The following TRAPPC3L variants were observed in gnomAD, a reference collection of about 807,000 sequenced individuals.
TRAPPC3L encodes trafficking protein particle complex subunit 3L.
TRAPPC3L carries 23 observed loss-of-function variants against 23.7 expected under a neutral mutation model. The observed-to-expected ratio is 0.97, with a 90% CI of 0.70 to 1.37. The LOEUF (loss-of-function observed/expected upper bound fraction) is 1.37, where lower values mean the gene tolerates loss of function less well. TRAPPC3L is among the 40% of genes most tolerant of loss of function. The probability of loss-of-function intolerance (pLI) is 0.00; values close to 1 mark genes in which losing one functional copy is unlikely to be tolerated. For synonymous variants in TRAPPC3L, 81 were observed against 77.9 expected (o/e 1.04, Z -0.21); for missense variants, 212 against 216.8 (o/e 0.98, Z 0.14).
At chr6:116,524,872 G>A (rs1772416697) in intron 3 of TRAPPC3L, 1 of 151,956 alleles carries the variant, frequency 6.6e-6, no homozygotes, top group African/African-American at 2.4e-5. Flanking sequence ...TATTCCTATT[G>A]GAATTTCATT....
chr6:116,540,454 C>T lies in TRAPPC3L; in HGVS notation c.149G>A (p.Gly50Asp), dbSNP rs1384262858. Reference protein sequence around the residue: ...VNQYLDKMGYGIGTRLVEDFL... With the variant: ...VNQYLDKMGYDIGTRLVEDFL... Reference sequence around the variant, plus strand: ...GTCTTCCACAAGCCGCGTTCCAATGCCGTAACCCCTGTGGATGACGGAAAG... The same window carrying T: ...GTCTTCCACAAGCCGCGTTCCAATGTCGTAACCCCTGTGGATGACGGAAAG... The change falls in exon 3 of 5, where the codon GGC becomes GAC. Residue 50 changes from glycine (G) to aspartate (D), a missense_variant. Coordinates refer to ENST00000368602, the MANE Select transcript of TRAPPC3L (RefSeq NM_001139444.3). 1 of 1,551,182 alleles carries T rather than the reference C, an allele frequency of 6.4e-7. No homozygotes were observed. The highest frequency in any genetic ancestry group is 1.4e-5 in the African/African-American group (1 of 73,000).
Position 116,496,715 on chromosome 6 carries a change from C to T in TRAPPC3L, c.*239G>A, listed in dbSNP as rs371022711. On this transcript the variant is annotated 3_prime_UTR_variant, in exon 5 of 5. Coordinates refer to ENST00000368602, the MANE Select transcript of TRAPPC3L (RefSeq NM_001139444.3). Reference sequence around the variant, plus strand: ...GTGTAAGATGTGGAATTCCTGCCTGCTATCTTGTAAGGAGCTATTTGCATA... The same window carrying T: ...GTGTAAGATGTGGAATTCCTGCCTGTTATCTTGTAAGGAGCTATTTGCATA... 1.9e-5 allele frequency: 8 copies of T among 412,362 alleles called. No homozygotes were observed. The highest frequency in any genetic ancestry group is 1.3e-4 in the African/African-American group (6 of 47,142). 25.5% of individuals were successfully genotyped at this position (412,362 alleles called of 1,614,324 possible).
Position 116,500,512 on chromosome 6 carries a change from A to T in TRAPPC3L, c.395T>A (p.Leu132His). ...CAAGGCACCTCTGATAATCCCACAG[A>T]GCAAGTTGCAGTAGCACAGAGAAGA... ...GRSSLCYCNLLCGIIRGALEM... is the reference protein window; with the variant it reads ...GRSSLCYCNLHCGIIRGALEM... Residue 132 changes from leucine (L) to histidine (H), a missense_variant, in exon 4 of 5, where the codon CTC (leucine) becomes CAC (histidine). Physicochemically the swap from Leu to His is moderately conservative, Grantham distance 99 (BLOSUM62 -3). Transcript: ENST00000368602. 1 of 1,551,508 alleles carries T rather than the reference A, an allele frequency of 6.4e-7. No homozygotes were observed. The highest frequency in any genetic ancestry group is 8.7e-7 in the Non-Finnish European group (1 of 1,146,890).
intron 4 of TRAPPC3L, among the ~76,000 whole-genome samples, chr6:116,499,928 C>A (rs1232684929): frequency 1.3e-5 from 2 of 152,214 alleles, no homozygotes; most frequent in Non-Finnish European, 2.9e-5. Context: ...ATACTAATAA[C>A]TGTTTCAGTT....
intron 3 of TRAPPC3L, among the ~76,000 whole-genome samples, chr6:116,537,277 A>G (rs1418494571): frequency 1.3e-5 from 2 of 152,324 alleles, no homozygotes; most frequent in African/African-American, 4.8e-5. Flanking sequence ...ATGGTTGATA[A>G]GACATGAAAA....
chr6:116,542,332 AT>A (rs66953108), intron 2 of TRAPPC3L, among the ~76,000 whole-genome samples: 2,002 of 152,186 alleles, frequency 0.013, 46 homozygotes, highest in African/African-American at 0.045. Flanking sequence ...ATAAATTATA[AT>A]TTTTTTAAAA....
In TRAPPC3L at chr6:116,504,875, A is replaced by C. The variant is rs1362886271; in HGVS notation, c.241-4209T>G. On this transcript the variant is annotated intron_variant, in intron 3 of 4. Transcript: ENST00000368602. ...TATTGATGGAATGTATCTCAAAATA[A>C]TAAGAGCTATTTAGGACAAACCCAC... Among the ~76,000 whole-genome samples the C allele has an allele frequency of 8.5e-5, 13 of 152,328 alleles. No individual in the cohort carries two copies. The East Asian group carries it at 2.5e-3, about 29-fold the overall frequency.
chr6:116,527,310 G>A (rs549135621), intron 3 of TRAPPC3L, among the ~76,000 whole-genome samples: 45 of 152,068 alleles, frequency 3.0e-4, no homozygotes, highest in Non-Finnish European at 4.6e-4. Flanking sequence ...GAGGTCAGGA[G>A]ATCGAGACCA....
chr6:116,543,026 T>C (rs1773559305), intron 2 of TRAPPC3L, among the ~76,000 whole-genome samples: 1 of 152,178 alleles, frequency 6.6e-6, no homozygotes, highest in Non-Finnish European at 1.5e-5. Context: ...ACCACATCTT[T>C]TGCTTATAAG....
intron 3 of TRAPPC3L, chr6:116,529,067 G>C (rs1340619773): frequency 6.6e-6 from 1 of 152,342 alleles, no homozygotes; most frequent in East Asian, 1.9e-4. Flanking sequence ...TGCTCTCTCT[G>C]ACCGGGTCTC....
intron 3 of TRAPPC3L, among the ~76,000 whole-genome samples, chr6:116,506,065 C>T (rs538593232): frequency 8.5e-5 from 13 of 152,308 alleles, no homozygotes; most frequent in African/African-American, 2.9e-4. Flanking sequence ...AAGCAACTAT[C>T]ATCAGACTGA....
At chr6:116,501,908 A>C (rs1382466469) in intron 3 of TRAPPC3L, among the ~76,000 whole-genome samples, 1 of 152,198 alleles carries the variant, frequency 6.6e-6, no homozygotes, top group African/African-American at 2.4e-5. Context: ...AAAACCACAA[A>C]CATGGGGAGA....
At chr6:116,543,455 G>GTCA in intron 1 of TRAPPC3L, 55 bp from the exon 2 acceptor site, 5 of 1,356,578 alleles carry the variant, frequency 3.7e-6, no homozygotes, top group Non-Finnish European at 5.0e-6. Flanking sequence ...GTATACTACT[G>GTCA]TATTTCTTTT....
chr6:116,527,905 A>G (rs1490594501), intron 3 of TRAPPC3L, among the ~76,000 whole-genome samples: 1 of 152,252 alleles, frequency 6.6e-6, no homozygotes, highest in East Asian at 1.9e-4. Flanking sequence ...TGACACATGT[A>G]TACCTATGTA....
chr6:116,545,577 G>GT lies in TRAPPC3L; in HGVS notation c.-64dup. The GT allele has an allele frequency of 7.0e-7, 1 of 1,431,988 alleles. No individual in the cohort carries two copies. The highest frequency in any genetic ancestry group is 9.6e-7 in the Non-Finnish European group (1 of 1,045,550). 88.7% of individuals were successfully genotyped at this position (1,431,988 alleles called of 1,614,324 possible). On this transcript the variant is annotated 5_prime_UTR_variant, in exon 1 of 5. Transcript: ENST00000368602. The stretch of plus-strand genomic sequence containing the variant: ...CTTCTTTTGCCTGTTTCTTAGAGGT[G>GT]TATCAGTCCATGTCTTTTTGTTTTG...
intron 3 of TRAPPC3L, among the ~76,000 whole-genome samples, chr6:116,506,918 G>A (rs779705962): frequency 6.6e-6 from 1 of 152,086 alleles, no homozygotes; most frequent in Non-Finnish European, 1.5e-5. Context: ...TGTAAATGTC[G>A]AGGTGATTGG....
intron 3 of TRAPPC3L, among the ~76,000 whole-genome samples, chr6:116,527,790 A>C (rs1306816773): frequency 6.6e-6 from 1 of 152,246 alleles, no homozygotes; most frequent in Non-Finnish European, 1.5e-5. Context: ...GGATACCCGG[A>C]AGATTCAAAA....
In TRAPPC3L at chr6:116,500,575, G is replaced by A. The variant is rs765689304; in HGVS notation, c.332C>T (p.Pro111Leu). 1.3e-6 allele frequency: 2 copies of A among 1,551,466 alleles called. No individual in the cohort carries two copies. The highest frequency in any genetic ancestry group is 1.7e-6 in the Non-Finnish European group (2 of 1,146,930). Residue 111 changes from proline (P) to leucine (L), a missense_variant, in exon 4 of 5, where the codon CCC (proline) becomes CTC (leucine). Pro to Leu is a moderately conservative substitution (Grantham distance 98, BLOSUM62 -3). Transcript: ENST00000368602. ...GAGCTCTTCCACAAACTCCACCAGGGGATTCTTCTCTAGAATCAGGGAAAA... is the reference window on the plus strand; with the variant it reads ...GAGCTCTTCCACAAACTCCACCAGGAGATTCTTCTCTAGAATCAGGGAAAA... ...NEFSLILEKN[P>L]LVEFVEELPA...
intron 3 of TRAPPC3L, among the ~76,000 whole-genome samples, chr6:116,532,121 G>A (rs1772764361): frequency 6.6e-6 from 1 of 152,248 alleles, no homozygotes; most frequent in African/African-American, 2.4e-5. Flanking sequence ...GGCTGCTTCT[G>A]CATGTAGTGT....
Sources: gnomAD v4.1 joint callset for allele counts (sites outside exome capture counted in the v4.1 genomes callset) on GRCh38, gnomAD v4.1.1 for gene constraint, MANE v1.5 for transcripts, NCBI Gene and HGNC (gene_info 2026-07-23, HGNC 2026-07-21) for gene names.